Variants in PCDHGA2 observed in about 807,000 individuals in gnomAD.
The protein encoded by PCDHGA2 is protocadherin gamma-A2.
PCDHGA2 carries 40 observed loss-of-function variants against 59.2 expected under a neutral mutation model. The ratio of observed to expected loss-of-function variants is 0.68; its 90% CI spans 0.52 to 0.88. The LOEUF (loss-of-function observed/expected upper bound fraction) is 0.88. PCDHGA2 is among the 40% of genes least tolerant of loss of function. The pLI is 0.00. For missense variants in PCDHGA2, 1,226 were observed against 1,204.0 expected (o/e 1.02, Z -0.27); for synonymous variants, 560 against 526.0 (o/e 1.06, Z -0.89).
chr5:141,383,687 C>G, intron 1 of PCDHGA2: 3 of 1,613,968 alleles, frequency 1.9e-6, no homozygotes, highest in Non-Finnish European at 2.5e-6. Flanking sequence ...AGACTGCTCA[C>G]GGTACATGCT....
rs776657082 is a variant in PCDHGA2, at chr5:141,432,778, G to A, written c.2425-62029G>A. On this transcript the variant is annotated intron_variant, in intron 1 of 3. Coordinates refer to ENST00000394576, the MANE Select transcript of PCDHGA2 (RefSeq NM_018915.4). The surrounding 1 kb of genome is among the most constrained non-coding windows in gnomAD (Gnocchi z 6.0). ...CCGACAGCATCCCCCAAGTCCTGGC[G>A]GACCTCGGCAGCCTCGAGTCTCCAG... 6.2e-7 allele frequency: 1 copy of A among 1,614,166 alleles called. No homozygotes were observed. Among genetic ancestry groups the A allele is most frequent in the Non-Finnish European group, 8.5e-7 (1 of 1,180,002 alleles).
In PCDHGA2 at chr5:141,511,007, G is replaced by C. The variant is rs780918754; in HGVS notation, c.2633G>C (p.Arg878Pro). Residue 878 changes from arginine to proline, a missense_variant, in exon 4 of 4, where the codon CGC (arginine) becomes CCC (proline). Physicochemically the swap from Arg to Pro is moderately radical, Grantham distance 103. Coordinates refer to ENST00000394576, the MANE Select transcript of PCDHGA2 (RefSeq NM_018915.4). Reference protein sequence around the residue: ...GGAGTMGLSARYGPQFTLQHV... With the variant: ...GGAGTMGLSAPYGPQFTLQHV... ...GCCGGCACCATGGGATTGAGCGCCC[G>C]CTACGGACCCCAGTTCACCCTGCAG... The C allele has an allele frequency of 1.9e-6, 3 of 1,614,042 alleles. No homozygotes were observed. The highest frequency in any genetic ancestry group is 2.7e-5 in the African/African-American group (2 of 74,910).
chr5:141,387,721 C>A, intron 1 of PCDHGA2: 2 of 1,151,790 alleles, frequency 1.7e-6, no homozygotes, highest in Non-Finnish European at 2.4e-6. Context: ...CTCAGACTCC[C>A]CAGCGCCAGC....
intron 1 of PCDHGA2, chr5:141,419,128 A>T (rs1298102722): frequency 1.2e-6 from 2 of 1,613,768 alleles, no homozygotes; most frequent in East Asian, 2.2e-5. Flanking sequence ...TCACCATCGC[A>T]GCCACAGACA....
chr5:141,487,032 C>T lies in PCDHGA2; in HGVS notation c.2425-7775C>T. 6.2e-7 allele frequency: 1 copy of T among 1,614,210 alleles called. No individual in the cohort carries two copies. The highest frequency in any genetic ancestry group is 1.1e-5 in the South Asian group (1 of 91,084). ...GAGGCCCCAGATCCCAGCCTGTTTG[C>T]AGTCTCTCGATATGCTGGGGAGGTG... On this transcript the variant is annotated intron_variant, in intron 1 of 3. Coordinates refer to ENST00000394576, the MANE Select transcript of PCDHGA2 (RefSeq NM_018915.4). The surrounding 1 kb of genome is among the most constrained non-coding windows in gnomAD (Gnocchi z 5.0).
In PCDHGA2 at chr5:141,432,358, G is replaced by A. The variant is rs750696244; in HGVS notation, c.2425-62449G>A. ...TCCGAGACTTGCAAGTGAAAGTGAT[G>A]GCGCGGGACAACGGGCACCCGCCCC... On this transcript the variant is annotated intron_variant, in intron 1 of 3. Transcript: ENST00000394576. This position sits in a 1 kb window ranked among gnomAD's most constrained non-coding sequence, Gnocchi z 6.0. The A allele has an allele frequency of 6.2e-7, 1 of 1,614,122 alleles. No homozygotes were observed. The highest frequency in any genetic ancestry group is 8.5e-7 in the Non-Finnish European group (1 of 1,180,060).
intron 1 of PCDHGA2, chr5:141,433,025 G>A: frequency 6.2e-7 from 1 of 1,614,144 alleles, no homozygotes; most frequent in Non-Finnish European, 8.5e-7. Context: ...CTATTCCCAC[G>A]AGGTTTCCCT....
chr5:141,470,019 C>G (rs2099219272), intron 1 of PCDHGA2, among the ~76,000 whole-genome samples: 1 of 152,154 alleles, frequency 6.6e-6, no homozygotes, highest in South Asian at 2.1e-4. Context: ...ATCCCAGCTA[C>G]TCGGGATGCT....
rs1561748501 is a variant in PCDHGA2 at position 141,414,351 on chromosome 5, G to GT, written c.2424+72957dup. On this transcript the variant is annotated intron_variant, in intron 1 of 3. Coordinates refer to ENST00000394576, the MANE Select transcript of PCDHGA2 (RefSeq NM_018915.4). ...GACAGGTAACCTGTTCCATTTTGGC[G>GT]TATCTACCATTTAAATTAGAAAAGT... 2.5e-6 allele frequency: 4 copies of GT among 1,613,794 alleles called. No individual in the cohort carries two copies. The South Asian group carries it at 3.3e-5, about 13-fold the overall frequency.
At chr5:141,375,021 G>C (rs780712160) in intron 1 of PCDHGA2, 3 of 1,614,036 alleles carry the variant, frequency 1.9e-6, no homozygotes, top group Non-Finnish European at 2.5e-6. Context: ...GAGGACTCGA[G>C]TTTTTATGAG....
At position 141,338,777 on chromosome 5, in the gene PCDHGA2, C is replaced by G. The variant is rs1756776566; in HGVS notation, c.-195C>G. 2 of 1,292,868 alleles carry G rather than the reference C, an allele frequency of 1.5e-6. No homozygotes were observed. Among genetic ancestry groups the G allele is most frequent in the East Asian group, 2.9e-5 (1 of 35,008 alleles). The allele number at this position is 1,292,868 out of a possible 1,614,324, so 80.1% of individuals were successfully genotyped here. On this transcript the variant is annotated 5_prime_UTR_variant, in exon 1 of 4. Coordinates refer to ENST00000394576, the MANE Select transcript of PCDHGA2 (RefSeq NM_018915.4). ...AGACATCCAATCCAGCAATACGGCTCCCACAGCACAAGGGGGTGGAGGTTT... is the reference window on the plus strand; with the variant it reads ...AGACATCCAATCCAGCAATACGGCTGCCACAGCACAAGGGGGTGGAGGTTT...
In PCDHGA2 at chr5:141,421,851, T is replaced by A. The variant is rs771169063; in HGVS notation, c.2425-72956T>A. 16 of 1,613,596 alleles carry A rather than the reference T, an allele frequency of 9.9e-6. No homozygotes were observed. The Middle Eastern group carries it at 4.9e-4, about 50-fold the overall frequency. On this transcript the variant is annotated intron_variant, in intron 1 of 3. Coordinates refer to ENST00000394576, the MANE Select transcript of PCDHGA2 (RefSeq NM_018915.4). ...GCCTGGACCGAGAGAAAGAGGCTGC[T>A]CACCTGCTCCTCCTCACAGCTTTAG...
intron 1 of PCDHGA2, among the ~76,000 whole-genome samples, chr5:141,469,484 A>AGAATCGCT (rs1279677032): frequency 6.6e-6 from 1 of 152,074 alleles, no homozygotes; most frequent in African/African-American, 2.4e-5. Flanking sequence ...CTGAGGCAGG[A>AGAATCGCT]GAATCGCTTG....
chr5:141,472,371 C>G (rs2099278632), intron 1 of PCDHGA2, among the ~76,000 whole-genome samples: 1 of 151,944 alleles, frequency 6.6e-6, no homozygotes, highest in Admixed American at 6.6e-5. Flanking sequence ...GAAACCCCGT[C>G]TCCACTAAAA....
intron 1 of PCDHGA2, chr5:141,344,642 G>A (rs762812288): frequency 6.2e-7 from 1 of 1,613,938 alleles, no homozygotes; most frequent in South Asian, 1.1e-5. Flanking sequence ...TGGACCGTGA[G>A]AAAAAAGAAA....
Position 141,444,232 on chromosome 5 carries a change from C to T in PCDHGA2, c.2425-50575C>T, listed in dbSNP as rs1411172798. Among the ~76,000 whole-genome samples the T allele has an allele frequency of 2.5e-5, 3 of 122,350 alleles. No individual in the cohort carries two copies. In the Admixed American group the frequency reaches 3.3e-4, roughly 14 times the overall value. The allele number at this position is 122,350 out of a possible 152,430, so 80.3% of individuals were successfully genotyped here. ...TGTTGCCCAGGCTGGAGTGCAATGG[C>T]ATGCTCTCGGCTCACTGCAACCTCC... is the stretch of plus-strand genomic sequence containing the variant. On this transcript the variant is annotated intron_variant, in intron 1 of 3. Coordinates refer to ENST00000394576, the MANE Select transcript of PCDHGA2 (RefSeq NM_018915.4).
chr5:141,408,311 A>C (rs1467917610), intron 1 of PCDHGA2: 1 of 1,613,650 alleles, frequency 6.2e-7, no homozygotes, highest in African/African-American at 1.3e-5. Context: ...CCGCTACTCG[A>C]TTCCGGAGGA....
chr5:141,403,789 C>T (rs1230029917), intron 1 of PCDHGA2: 1 of 1,613,864 alleles, frequency 6.2e-7, no homozygotes, highest in East Asian at 2.2e-5. Flanking sequence ...AAGTGGCATA[C>T]AAATTCTGGA....
chr5:141,356,292 A>G, intron 1 of PCDHGA2: 1 of 1,555,616 alleles, frequency 6.4e-7, no homozygotes, highest in Non-Finnish European at 8.7e-7. Flanking sequence ...CCCCGGGTAC[A>G]GTAATTGCAC....
Sources: gnomAD v4.1 joint callset for allele counts (sites outside exome capture counted in the v4.1 genomes callset) on GRCh38, gnomAD v4.1.1 for gene constraint, Gnocchi (gnomAD v3.1) non-coding constraint, MANE v1.5 for transcripts, NCBI Gene and HGNC (gene_info 2026-07-23, HGNC 2026-07-21) for gene names.